Variants in BRF1 observed in about 807,000 individuals in gnomAD.
The protein encoded by BRF1 is BRF1 general transcription factor IIIB subunit, also known as transcription factor IIIB 90 kDa subunit.
In BRF1, 59 loss-of-function variants were observed where a neutral mutation model predicts 81.7. The ratio of observed to expected loss-of-function variants is 0.72; its 90% confidence interval spans 0.59 to 0.90. The LOEUF (loss-of-function observed/expected upper bound fraction) is 0.90. Ranked by LOEUF, BRF1 falls within the 40% of genes least tolerant of loss-of-function variation. The pLI, the probability that BRF1 is intolerant of heterozygous loss-of-function variation, is 0.00. For synonymous variants in BRF1, 491 were observed against 395.6 expected (o/e 1.24, Z -2.86); for missense variants, 1,050 against 936.3 (o/e 1.12, Z -1.58).
intron 1 of BRF1, among the ~76,000 whole-genome samples, chr14:105,295,286 G>A (rs865909225): frequency 8.9e-6 from 1 of 112,508 alleles, no homozygotes; most frequent in Non-Finnish European, 1.6e-5. Flanking sequence ...GAGCAGCAAA[G>A]CAAGACCACA....
chr14:105,310,324 A>C (rs2058315940), intron 1 of BRF1, among the ~76,000 whole-genome samples: 1 of 150,904 alleles, frequency 6.6e-6, no homozygotes, highest in South Asian at 2.1e-4. Flanking sequence ...AGGTCAGGAG[A>C]TCAAGACCAT....
At chr14:105,314,938 T>C (rs2140747324) in intron 1 of BRF1, 2 of 1,139,040 alleles carry the variant, frequency 1.8e-6, no homozygotes, top group South Asian at 2.0e-5. Context: ...CGAGGCCGCC[T>C]CGGCCTCCCC....
rs1290496389 is a variant in BRF1 at position 105,284,263 on chromosome 14, G to A, written c.265+2033C>T. ...CTACTGCAGAAGAATCACACCGGCA[G>A]TCAGGAAGAAAGGCGCTGACTATAC... On this transcript the variant is annotated intron_variant, in intron 2 of 17. Coordinates refer to ENST00000547530, the MANE Select transcript of BRF1 (RefSeq NM_001519.4). This position sits in a 1 kb window ranked among gnomAD's most constrained non-coding sequence, Gnocchi z 4.0. 6.6e-6 allele frequency among the ~76,000 whole-genome samples: 1 copy of A among 152,112 alleles called. No individual in the cohort carries two copies. Among genetic ancestry groups the A allele is most frequent in the Non-Finnish European group, 1.5e-5 (1 of 68,022 alleles).
chr14:105,253,144 C>T (rs936385689), intron 4 of BRF1, among the ~76,000 whole-genome samples: 1 of 152,234 alleles, frequency 6.6e-6, no homozygotes, highest in Non-Finnish European at 1.5e-5. Flanking sequence ...AGAAGGGCAA[C>T]GCCGAGGGCT....
chr14:105,212,508 G>A (rs1890281434), intron 15 of BRF1: 2 of 303,540 alleles, frequency 6.6e-6, no homozygotes, highest in Non-Finnish European at 1.3e-5. Flanking sequence ...GGAGGGTGAA[G>A]GGACACTGTC....
rs1165096386 is a variant in BRF1 at position 105,241,420 on chromosome 14, G to C, written c.545-6C>G. The stretch of plus-strand genomic sequence containing the variant: ...TGGAATATACAGGCACGGGTCTGCG[G>C]CAGACACAGCACCTCAGTGCCCACC... On this transcript the variant is annotated splice_region_variant and splice_polypyrimidine_tract_variant and intron_variant, in intron 5 of 17. Coordinates refer to ENST00000547530, the MANE Select transcript of BRF1 (RefSeq NM_001519.4). 6.2e-7 allele frequency: 1 copy of C among 1,610,378 alleles called. No individual in the cohort carries two copies. Among genetic ancestry groups the C allele is most frequent in the South Asian group, 1.1e-5 (1 of 91,088 alleles).
At position 105,300,981 on chromosome 14, in the gene BRF1, T is replaced by A. The variant is rs1231746400; in HGVS notation, c.-352A>T. 2 of 152,564 alleles carry A rather than the reference T, an allele frequency of 1.3e-5. No homozygotes were observed. The highest frequency in any genetic ancestry group is 2.4e-5 in the African/African-American group (1 of 41,008). The allele number at this position is 152,564 out of a possible 1,614,324, so 9.5% of individuals were successfully genotyped here. ...GCGGAACCCGAGCGGGGCCTACCGG[T>A]GAGCGCAGCCGAGGACTGGCGCTTG... On this transcript the variant is annotated 5_prime_UTR_variant, in exon 1 of 18. Transcript: ENST00000547530.
At chr14:105,301,652 A>G (rs181056154), upstream of BRF1, among the ~76,000 whole-genome samples, 407 of 152,282 alleles carry the variant, frequency 2.7e-3, 1 homozygote, top group Middle Eastern at 6.8e-3. Context: ...GCGCCCCGCT[A>G]TTCTCCGTTT....
At chr14:105,228,613 G>A (rs954471398) in intron 7 of BRF1, among the ~76,000 whole-genome samples, 1 of 151,978 alleles carries the variant, frequency 6.6e-6, no homozygotes, top group African/African-American at 2.4e-5. Context: ...GCCCCAGAAG[G>A]ACTAGCAGGG....
Position 105,221,835 on chromosome 14 carries a change from G to A in BRF1, c.1128C>T (p.His376=), listed in dbSNP as rs776032765. ...GCTCCCGGTATAAGTCTTTGTTCAG[G>A]TGGCTGGCCGCGGCTTCCAGCTCCT... The part of the protein sequence containing the change: ...EDEELEAAAS[H]LNKDLYRELL... The change falls in exon 11 of 18, where the codon CAC becomes CAT. Residue 376 remains histidine (H), a synonymous_variant. Transcript: ENST00000547530. 6.2e-7 allele frequency: 1 copy of A among 1,609,528 alleles called. No homozygotes were observed. Among genetic ancestry groups the A allele is most frequent in the Admixed American group, 1.7e-5 (1 of 59,576 alleles).
chr14:105,222,870 T>C (rs587763150), intron 10 of BRF1, among the ~76,000 whole-genome samples: 124 of 152,292 alleles, frequency 8.1e-4, no homozygotes, highest in Middle Eastern at 3.4e-3. Context: ...CCTTGTGATC[T>C]GCCCACCTCA....
intron 6 of BRF1, 128 bp downstream of exon 6, chr14:105,241,137 C>A: frequency 1.4e-6 from 2 of 1,454,080 alleles, no homozygotes; most frequent in Non-Finnish European, 9.2e-7. Context: ...AGAGTCAGCC[C>A]CGGGAGGCTG....
intron 2 of BRF1, among the ~76,000 whole-genome samples, chr14:105,279,424 C>T (rs987813598): frequency 6.6e-6 from 1 of 152,162 alleles, no homozygotes; most frequent in Non-Finnish European, 1.5e-5. Flanking sequence ...ACAGAAAGGA[C>T]GTCCCAACAG....
At chr14:105,228,070 C>T (rs1369961799) in intron 7 of BRF1, 1 of 152,224 alleles carries the variant, frequency 6.6e-6, no homozygotes, top group Non-Finnish European at 1.5e-5. Context: ...GCCTGGCTTG[C>T]TACGCCACTC....
At chr14:105,299,978 C>G (rs1566877754) in intron 1 of BRF1, among the ~76,000 whole-genome samples, 1 of 152,250 alleles carries the variant, frequency 6.6e-6, no homozygotes, top group East Asian at 1.9e-4. Context: ...TGGGGTCCAT[C>G]CCCAGCCCGC....
intron 15 of BRF1, among the ~76,000 whole-genome samples, chr14:105,215,166 CAG>C (rs1419313553): frequency 1.3e-5 from 2 of 152,190 alleles, no homozygotes; most frequent in African/African-American, 4.8e-5. Flanking sequence ...TGTGTGCACA[CAG>C]ACTCACAGAT....
intron 2 of BRF1, among the ~76,000 whole-genome samples, chr14:105,279,960 C>A (rs587689886): frequency 2.0e-5 from 3 of 152,362 alleles, no homozygotes; most frequent in African/African-American, 7.2e-5. Context: ...ACGACTAGAG[C>A]CACAGGAGCT....
chr14:105,249,530 C>T lies in BRF1; in HGVS notation c.544+2977G>A, dbSNP rs762232052. 8.7e-5 allele frequency: 140 copies of T among 1,604,092 alleles called. 2 individuals carry two copies. The South Asian group carries it at 1.3e-3, about 15-fold the overall frequency. On this transcript the variant is annotated intron_variant, in intron 5 of 17. Transcript: ENST00000547530. ...GGGTGGGTCCGTTTTAGGCGGCCTC[C>T]GGAGGCTTCTGAAGGGAAGCACACA... is the stretch of plus-strand genomic sequence containing the variant.
At chr14:105,241,673 G>C in intron 5 of BRF1, 4 of 540,278 alleles carry the variant, frequency 7.4e-6, no homozygotes. Context: ...TGCTCCTACT[G>C]CATGGCCGCC....
Sources: gnomAD v4.1 joint callset for allele counts (sites outside exome capture counted in the v4.1 genomes callset) on GRCh38, gnomAD v4.1.1 for gene constraint, Gnocchi (gnomAD v3.1) non-coding constraint, MANE v1.5 for transcripts, NCBI Gene and HGNC (gene_info 2026-07-23, HGNC 2026-07-21) for gene names.